The following CDH4 variants were observed in gnomAD, a reference collection of about 807,000 sequenced individuals.
CDH4 encodes the protein cadherin-4.
A neutral mutation model predicts 86.0 loss-of-function variants in CDH4; 33 were observed. That is an observed-to-expected ratio of 0.38 (90% CI 0.29 to 0.51). The LOEUF is 0.51. CDH4 is among the 20% of genes least tolerant of loss of function. CDH4 has a pLI of 0.86. For synonymous variants in CDH4, 555 were observed against 549.4 expected, an observed-to-expected ratio of 1.01 and a Z score of -0.14; for missense variants, 1,114 against 1,307.4, an observed-to-expected ratio of 0.85 and a Z score of 2.28.
intron 2 of CDH4, among the ~76,000 whole-genome samples, chr20:61,720,556 C>T (rs2088027601): frequency 8.4e-6 from 1 of 119,614 alleles, no homozygotes; most frequent in Non-Finnish European, 1.6e-5. Flanking sequence ...TGTAGGGGTG[C>T]AGGGGTGCAG....
At chr20:61,435,784 C>T (rs73318339) in intron 2 of CDH4, 2 of 152,234 alleles carry the variant, frequency 1.3e-5, no homozygotes, top group African/African-American at 4.8e-5. Context: ...GTCGACTCCC[C>T]AGTACCCTTC....
At chr20:61,444,313 T>TGGG (rs1476177797) in intron 2 of CDH4, among the ~76,000 whole-genome samples, 63 of 1,780 alleles carry the variant, frequency 0.035, no homozygotes, top group South Asian at 0.12. Context: ...GTATGTATTT[T>TGGG]TGTGTATCTG....
intron 2 of CDH4, among the ~76,000 whole-genome samples, chr20:61,384,757 A>G (rs1369020333): frequency 6.8e-6 from 1 of 147,530 alleles, no homozygotes; most frequent in Non-Finnish European, 1.5e-5. Flanking sequence ...GTTCTCTTTC[A>G]TTAATTTTCA....
chr20:61,393,004 A>G lies in CDH4; in HGVS notation c.169+138067A>G, dbSNP rs764596970. 2.6e-5 allele frequency among the ~76,000 whole-genome samples: 4 copies of G among 152,114 alleles called. No homozygotes were observed. Among genetic ancestry groups the G allele is most frequent in the Admixed American group, 1.3e-4 (2 of 15,272 alleles). ...CACATGCCTTGTCGCTCAGGGCTTGACGGGATAGAAAACGTGAGGACAGAG... is the reference window on the plus strand; with the variant it reads ...CACATGCCTTGTCGCTCAGGGCTTGGCGGGATAGAAAACGTGAGGACAGAG... On this transcript the variant is annotated intron_variant, in intron 2 of 15. Coordinates refer to ENST00000614565, the MANE Select transcript of CDH4 (RefSeq NM_001794.5). The surrounding 1 kb of genome is among the most constrained non-coding windows in gnomAD (Gnocchi z 4.3).
chr20:61,665,712 C>A (rs1183891700), intron 2 of CDH4, among the ~76,000 whole-genome samples: 2 of 152,208 alleles, frequency 1.3e-5, no homozygotes, highest in African/African-American at 4.8e-5. Flanking sequence ...CCAAGGGCAG[C>A]TGAGCTGTCT....
At chr20:61,331,652 C>A (rs1568801196) in intron 2 of CDH4, among the ~76,000 whole-genome samples, 4 of 112,310 alleles carry the variant, frequency 3.6e-5, no homozygotes, top group African/African-American at 1.1e-4. Context: ...CCTCCCGCCC[C>A]AGCCACCTGC....
At chr20:61,841,095 C>T (rs1982144097) in intron 4 of CDH4, among the ~76,000 whole-genome samples, 1 of 152,216 alleles carries the variant, frequency 6.6e-6, no homozygotes, top group Non-Finnish European at 1.5e-5. Context: ...CTGCAGACCC[C>T]GTCCCTGGCG....
intron 2 of CDH4, among the ~76,000 whole-genome samples, chr20:61,538,202 A>G (rs1364114915): frequency 6.6e-6 from 1 of 152,172 alleles, no homozygotes; most frequent in Non-Finnish European, 1.5e-5. Flanking sequence ...CCCGTTTTCC[A>G]TGGGCTTTCC....
intron 2 of CDH4, among the ~76,000 whole-genome samples, chr20:61,344,245 C>G (rs1318642474): frequency 6.6e-6 from 1 of 152,100 alleles, no homozygotes; most frequent in Non-Finnish European, 1.5e-5. Flanking sequence ...TATTCTTACA[C>G]CCTTTGATGG....
At chr20:61,287,240 ATCT>A (rs1292671426) in intron 2 of CDH4, among the ~76,000 whole-genome samples, 1 of 152,162 alleles carries the variant, frequency 6.6e-6, no homozygotes, top group African/African-American at 2.4e-5. Context: ...TGCACACTAC[ATCT>A]TCTTTAAAAT....
chr20:61,726,280 C>T (rs1365793921), intron 2 of CDH4, among the ~76,000 whole-genome samples: 1 of 152,132 alleles, frequency 6.6e-6, no homozygotes, highest in African/African-American at 2.4e-5. Context: ...GGCCAGGTGC[C>T]TCATGGTGGA....
At chr20:61,355,224 A>G (rs747065862) in intron 2 of CDH4, among the ~76,000 whole-genome samples, 23 of 152,196 alleles carry the variant, frequency 1.5e-4, no homozygotes, top group Non-Finnish European at 2.5e-4. Flanking sequence ...CCTTGAAAAA[A>G]GCTCTGAGTC....
At chr20:61,845,108 G>A (rs1033775340) in intron 5 of CDH4, among the ~76,000 whole-genome samples, 1 of 152,216 alleles carries the variant, frequency 6.6e-6, no homozygotes, top group Non-Finnish European at 1.5e-5. Context: ...AGAACTACTG[G>A]TCCAGAAGGC....
chr20:61,476,420 C>T (rs150282357), intron 2 of CDH4, among the ~76,000 whole-genome samples: 4 of 152,266 alleles, frequency 2.6e-5, no homozygotes, highest in Non-Finnish European at 5.9e-5. Flanking sequence ...GTGGTCTGAA[C>T]ATATGTATTT....
chr20:61,780,177 GTGGCTCGTAGCTTCCAGAC>G (rs1234709184), intron 4 of CDH4, among the ~76,000 whole-genome samples: 49 of 152,286 alleles, frequency 3.2e-4, no homozygotes, highest in African/African-American at 7.9e-4. Flanking sequence ...AGTTGTGCTG[GTGGCTCGTAGCTTCCAGAC>G]TGGCTCGTAG....
At chr20:61,914,663 C>T (rs1228121238) in intron 9 of CDH4, among the ~76,000 whole-genome samples, 3 of 152,174 alleles carry the variant, frequency 2.0e-5, no homozygotes, top group Non-Finnish European at 2.9e-5. Context: ...TGCCTGGTAC[C>T]CCGCATCTCC....
intron 9 of CDH4, among the ~76,000 whole-genome samples, chr20:61,913,455 C>T (rs887993315): frequency 1.3e-5 from 2 of 152,266 alleles, no homozygotes; most frequent in African/African-American, 4.8e-5. Flanking sequence ...CTTGGGACTG[C>T]ATGGGCCTCG....
At chr20:61,882,629 A>T (rs1436268105) in intron 7 of CDH4, among the ~76,000 whole-genome samples, 1 of 152,104 alleles carries the variant, frequency 6.6e-6, no homozygotes, top group Non-Finnish European at 1.5e-5. Flanking sequence ...CAGGCCCAGG[A>T]TGCTCCCTGA....
At chr20:61,687,817 C>T (rs956531458) in intron 2 of CDH4, among the ~76,000 whole-genome samples, 2 of 152,160 alleles carry the variant, frequency 1.3e-5, no homozygotes, top group African/African-American at 4.8e-5. Flanking sequence ...TACAATGTGT[C>T]TAGGGCATAG....
Sources: gnomAD v4.1 joint callset for allele counts (sites outside exome capture counted in the v4.1 genomes callset) on GRCh38, gnomAD v4.1.1 for gene constraint, Gnocchi (gnomAD v3.1) non-coding constraint, MANE v1.5 for transcripts, NCBI Gene and HGNC (gene_info 2026-07-23, HGNC 2026-07-21) for gene names.